The following MRPS27 variants were observed in gnomAD, a reference collection of about 807,000 sequenced individuals.
MRPS27 encodes mitochondrial ribosomal protein S27.
In MRPS27, 43 loss-of-function variants were observed where a neutral mutation model predicts 48.9. That is an observed-to-expected ratio of 0.88 (90% CI 0.69 to 1.13). MRPS27 has a LOEUF of 1.13. Among genes scored for constraint, MRPS27 ranks in the 50% most tolerant of loss-of-function variants. The pLI, the probability that MRPS27 is intolerant of heterozygous loss-of-function variation, is 0.00. For synonymous variants in MRPS27, 188 were observed against 171.9 expected (o/e 1.09, Z -0.73); for missense variants, 467 against 476.3 (o/e 0.98, Z 0.18).
intron 4 of MRPS27, among the ~76,000 whole-genome samples, chr5:72,250,881 T>A (rs1187839080): frequency 6.6e-6 from 1 of 152,198 alleles, no homozygotes; most frequent in Non-Finnish European, 1.5e-5. Flanking sequence ...GATATCAGCA[T>A]CAGAGAGAAC....
intron 4 of MRPS27, among the ~76,000 whole-genome samples, chr5:72,291,831 T>C (rs988134248): frequency 6.6e-6 from 1 of 152,234 alleles, no homozygotes. Flanking sequence ...TCCAGACCTA[T>C]TCTTCCCCCA....
intron 4 of MRPS27, among the ~76,000 whole-genome samples, chr5:72,277,925 G>A (rs147208942): frequency 1.1e-3 from 161 of 152,222 alleles, no homozygotes; most frequent in Middle Eastern, 3.4e-3. Flanking sequence ...ACACATACTG[G>A]AGCCTGTGAG....
intron 7 of MRPS27, chr5:72,229,120 T>C (rs1325923197): frequency 2.0e-5 from 3 of 152,174 alleles, no homozygotes; most frequent in African/African-American, 4.8e-5. Context: ...TCTGTGATCT[T>C]CTTGGTGCCA....
intron 4 of MRPS27, among the ~76,000 whole-genome samples, chr5:72,239,950 T>C (rs1405347236): frequency 2.6e-5 from 4 of 152,176 alleles, no homozygotes; most frequent in Admixed American, 6.5e-5. Context: ...AGATTTAACA[T>C]GAAATGACCA....
chr5:72,232,511 C>T lies in MRPS27; in HGVS notation c.523G>A (p.Val175Met). 1 of 1,612,776 alleles carries T rather than the reference C, an allele frequency of 6.2e-7. No individual in the cohort carries two copies. The highest frequency in any genetic ancestry group is 1.1e-5 in the South Asian group (1 of 91,032). The change falls in exon 7 of 11, where the codon GTG becomes ATG. Residue 175 changes from valine (V) to methionine (M), a missense_variant. By Grantham distance (21) the Val-to-Met change is conservative. Coordinates refer to ENST00000261413, the MANE Select transcript of MRPS27 (RefSeq NM_015084.3). ...AGGGAGAGAAGTTGGGTGGAAGGCACTTCAAAGGCTTCTTGCATCATGACC... is the reference window on the plus strand; with the variant it reads ...AGGGAGAGAAGTTGGGTGGAAGGCATTTCAAAGGCTTCTTGCATCATGACC... Reference protein sequence around the residue: ...FEVMMQEAFEVPSTQLLSLYV... With the variant: ...FEVMMQEAFEMPSTQLLSLYV...
chr5:72,312,857 A>C (rs1022011219), intron 2 of MRPS27, among the ~76,000 whole-genome samples: 1 of 152,032 alleles, frequency 6.6e-6, no homozygotes, highest in Non-Finnish European at 1.5e-5. Context: ...TGACCTCATG[A>C]TCCACCAGCC....
At chr5:72,315,202 C>A (rs1042964863) in intron 1 of MRPS27, among the ~76,000 whole-genome samples, 2 of 151,832 alleles carry the variant, frequency 1.3e-5, no homozygotes, top group Non-Finnish European at 2.9e-5. Context: ...TTATCTAGTA[C>A]AAGACTTGTA....
At position 72,239,774 on chromosome 5, in the gene MRPS27, G is replaced by A. The variant is rs539775805; in HGVS notation, c.282-1646C>T. Among the ~76,000 whole-genome samples the A allele has an allele frequency of 2.0e-5, 3 of 152,144 alleles. 1 individual carries two copies. In the South Asian group the frequency reaches 6.2e-4, roughly 32 times the overall value. On this transcript the variant is annotated intron_variant, in intron 4 of 10. Coordinates refer to ENST00000261413, the MANE Select transcript of MRPS27 (RefSeq NM_015084.3). ...CACTATAACCTCAAACTAACTCCTA[G>A]GCTCAAGCAATCCTTCCTCCTAAGC...
At chr5:72,305,766 T>TA (rs1313548650) in intron 2 of MRPS27, among the ~76,000 whole-genome samples, 4 of 152,236 alleles carry the variant, frequency 2.6e-5, no homozygotes, top group African/African-American at 9.6e-5. Flanking sequence ...CCTGCCCTCC[T>TA]ACCAACACCC....
Position 72,226,110 on chromosome 5 carries a change from C to T in MRPS27, c.784G>A (p.Val262Met), listed in dbSNP as rs200844970. The change falls in exon 9 of 11, where the codon GTG (valine) becomes ATG (methionine). Residue 262 changes from valine (V) to methionine (M), a missense_variant. Val to Met is a conservative substitution (Grantham distance 21). Coordinates refer to ENST00000261413, the MANE Select transcript of MRPS27 (RefSeq NM_015084.3). ...GGGGAGGCAGCCACTTTCTCCATCA[C>T]TTGAAGGGCTCTGTCAAGGTAGCCT... Reference protein sequence around the residue: ...KPGYLDRALQVMEKVAASPED... With the variant: ...KPGYLDRALQMMEKVAASPED... The T allele has an allele frequency of 9.6e-5, 155 of 1,613,714 alleles. No individual in the cohort carries two copies. The highest frequency in any genetic ancestry group is 1.2e-4 in the Non-Finnish European group (146 of 1,179,838).
At chr5:72,287,885 C>T (rs1749716388) in intron 4 of MRPS27, among the ~76,000 whole-genome samples, 1 of 152,216 alleles carries the variant, frequency 6.6e-6, no homozygotes, top group African/African-American at 2.4e-5. Flanking sequence ...TTACCATATG[C>T]TCCAATCATT....
Position 72,223,923 on chromosome 5 carries a change from A to G in MRPS27, c.838-73T>C, listed in dbSNP as rs943736766. 10 of 1,467,852 alleles carry G rather than the reference A, an allele frequency of 6.8e-6. No individual in the cohort carries two copies. The African/African-American group carries it at 1.4e-4, about 21-fold the overall frequency. 90.9% of individuals were successfully genotyped at this position (1,467,852 alleles called of 1,614,324 possible). A position where few individuals can be genotyped will look rare whatever the true frequency, so the allele number is the denominator to read the frequency against. ...AGCACATGGTGAAGAAAGGCTAGAG[A>G]AGGCGAAAGAAAGGAAGAATGAGCT... On this transcript the variant is annotated intron_variant, in intron 9 of 10. Transcript: ENST00000261413.
Position 72,234,089 on chromosome 5 carries a change from T to C in MRPS27, c.475+30A>G, listed in dbSNP as rs1471305842. 4.7e-6 allele frequency: 7 copies of C among 1,476,802 alleles called. No homozygotes were observed. In the South Asian group the frequency reaches 7.3e-5, roughly 15 times the overall value. 91.5% of individuals were successfully genotyped at this position (1,476,802 alleles called of 1,614,324 possible). ...CTCCCTTTGGGAGCTGGAAGCCCTA[T>C]AAACACTGAATCTGGGGTTAGTTTC... On this transcript the variant is annotated intron_variant, in intron 6 of 10. Transcript: ENST00000261413.
intron 4 of MRPS27, among the ~76,000 whole-genome samples, chr5:72,285,612 G>A (rs1749651758): frequency 6.6e-6 from 1 of 152,134 alleles, no homozygotes. Flanking sequence ...AGCCTCCTAA[G>A]TAGTTAGGAC....
intron 7 of MRPS27, among the ~76,000 whole-genome samples, chr5:72,231,540 T>C (rs1348356172): frequency 1.3e-5 from 2 of 152,196 alleles, no homozygotes; most frequent in Admixed American, 6.5e-5. Flanking sequence ...TGCTCACCAG[T>C]ACATAACTAG....
intron 9 of MRPS27, 42 bp downstream of exon 9, chr5:72,226,015 A>C: frequency 1.3e-6 from 2 of 1,581,556 alleles, no homozygotes; most frequent in Non-Finnish European, 1.7e-6. Context: ...GTTATGGGAA[A>C]CAGATGGCTA....
intron 1 of MRPS27, among the ~76,000 whole-genome samples, chr5:72,317,514 C>T (rs1428069709): frequency 6.6e-6 from 1 of 151,738 alleles, no homozygotes; most frequent in East Asian, 1.9e-4. Context: ...TCCTGAGTAG[C>T]TGGGATTTCA....
intron 4 of MRPS27, among the ~76,000 whole-genome samples, chr5:72,249,595 G>A (rs1018780223): frequency 5.3e-5 from 8 of 152,134 alleles, no homozygotes; most frequent in African/African-American, 1.9e-4. Flanking sequence ...TGAGGCAGGA[G>A]AATCACTTGA....
chr5:72,272,077 A>AC (rs1230092758), intron 4 of MRPS27, among the ~76,000 whole-genome samples: 5 of 151,918 alleles, frequency 3.3e-5, no homozygotes, highest in South Asian at 2.1e-4. Context: ...AAACACTGGG[A>AC]TTCCCCCCCC....
Sources: gnomAD v4.1 joint callset for allele counts (sites outside exome capture counted in the v4.1 genomes callset) on GRCh38, gnomAD v4.1.1 for gene constraint, MANE v1.5 for transcripts, NCBI Gene and HGNC (gene_info 2026-07-23, HGNC 2026-07-21) for gene names.